EPYC: variants seen among roughly 807,000 people sequenced by gnomAD.
EPYC encodes the protein epiphycan, also known as dermatan sulfate proteoglycan 3.
EPYC carries 28 observed loss-of-function variants against 30.1 expected under a neutral mutation model. The ratio of observed to expected loss-of-function variants is 0.93; its 90% CI spans 0.69 to 1.28. EPYC has a LOEUF of 1.28. Ranked by LOEUF, EPYC falls within the 50% of genes most tolerant of loss-of-function variation. The pLI, the probability that EPYC is intolerant of heterozygous loss-of-function variation, is 0.00. For synonymous variants in EPYC, 144 were observed against 141.4 expected (o/e 1.02, Z -0.13); for missense variants, 382 against 383.5 (o/e 1.00, Z 0.03).
chr12:90,983,439 G>A (rs1877372572), intron 2 of EPYC, among the ~76,000 whole-genome samples: 1 of 152,146 alleles, frequency 6.6e-6, no homozygotes. Flanking sequence ...CTAAAGACAT[G>A]GGTGTCAGGC....
intron 6 of EPYC, among the ~76,000 whole-genome samples, chr12:90,966,976 T>C (rs1392345999): frequency 6.6e-6 from 1 of 152,154 alleles, no homozygotes; most frequent in Non-Finnish European, 1.5e-5. Flanking sequence ...GTCCCCTTTC[T>C]TATTCCTGAT....
At chr12:90,995,092 C>T (rs891902796) in intron 2 of EPYC, among the ~76,000 whole-genome samples, 4 of 151,962 alleles carry the variant, frequency 2.6e-5, no homozygotes, top group African/African-American at 9.7e-5. Context: ...TAAACATGAG[C>T]CTGGTGCTCA....
At chr12:90,982,737 G>A (rs192382858) in intron 2 of EPYC, among the ~76,000 whole-genome samples, 5 of 152,064 alleles carry the variant, frequency 3.3e-5, no homozygotes, top group Non-Finnish European at 5.9e-5. Flanking sequence ...AGATCATATG[G>A]TATTTATCTT....
At position 90,979,244 on chromosome 12, in the gene EPYC, G is replaced by A. The variant is rs544027940; in HGVS notation, c.166-982C>T. 2.6e-5 allele frequency among the ~76,000 whole-genome samples: 4 copies of A among 152,204 alleles called. 1 individual carries two copies. Among genetic ancestry groups the A allele is most frequent in the African/African-American group, 9.6e-5 (4 of 41,544 alleles). On this transcript the variant is annotated intron_variant, in intron 2 of 6. Coordinates refer to ENST00000261172, the MANE Select transcript of EPYC (RefSeq NM_004950.5). ...ATTTGCTCCAGGCAATTGGGATGGC[G>A]ACATCCAGGACCCACTTTTTGTGGC...
At chr12:90,993,093 C>G (rs923701755) in intron 2 of EPYC, among the ~76,000 whole-genome samples, 1 of 152,138 alleles carries the variant, frequency 6.6e-6, no homozygotes, top group African/African-American at 2.4e-5. Context: ...ACAATCAAAT[C>G]TCTTCTTAGA....
chr12:90,974,723 G>A (rs1172209363), intron 3 of EPYC, among the ~76,000 whole-genome samples: 1 of 152,122 alleles, frequency 6.6e-6, no homozygotes, highest in Admixed American at 6.6e-5. Context: ...CTGGAAACAG[G>A]AAGACCAAGG....
At chr12:90,996,786 A>T (rs186248911) in intron 2 of EPYC, among the ~76,000 whole-genome samples, 1 of 152,042 alleles carries the variant, frequency 6.6e-6, no homozygotes, top group Admixed American at 6.6e-5. Flanking sequence ...ATTTTCTATG[A>T]CCAGTTTTTA....
chr12:90,999,251 T>C (rs919189998), intron 2 of EPYC, among the ~76,000 whole-genome samples: 2 of 152,028 alleles, frequency 1.3e-5, no homozygotes, highest in African/African-American at 4.8e-5. Flanking sequence ...AGGGAACATC[T>C]TAGAATTCTG....
intron 3 of EPYC, among the ~76,000 whole-genome samples, chr12:90,974,825 A>G (rs1877145020): frequency 6.6e-6 from 1 of 152,132 alleles, no homozygotes; most frequent in East Asian, 1.9e-4. Flanking sequence ...GTAAATAAGG[A>G]TTGTAAGCTG....
At chr12:90,971,709 A>AATAAATTT (rs1877050025) in intron 5 of EPYC, 91 bp downstream of exon 5, 2 of 440,180 alleles carry the variant, frequency 4.5e-6, no homozygotes, top group South Asian at 2.1e-4. Flanking sequence ...TAAATAAATA[A>AATAAATTT]ATTTATTTTC....
chr12:90,977,591 G>C (rs1877217149), intron 3 of EPYC, among the ~76,000 whole-genome samples: 1 of 152,126 alleles, frequency 6.6e-6, no homozygotes, highest in Non-Finnish European at 1.5e-5. Context: ...CCATGATAAT[G>C]AGAAGAGTAA....
At chr12:90,989,350 T>A (rs1877528483) in intron 2 of EPYC, among the ~76,000 whole-genome samples, 1 of 152,092 alleles carries the variant, frequency 6.6e-6, no homozygotes, top group African/African-American at 2.4e-5. Flanking sequence ...TACTGTTAAA[T>A]CTCAGTTTTT....
At chr12:91,000,456 G>C (rs181290817) in intron 2 of EPYC, among the ~76,000 whole-genome samples, 1 of 152,000 alleles carries the variant, frequency 6.6e-6, no homozygotes, top group African/African-American at 2.4e-5. Context: ...AAAAATGTCC[G>C]AACCTCATGA....
chr12:90,966,061 A>G (rs1416677568), intron 6 of EPYC, among the ~76,000 whole-genome samples: 1 of 152,068 alleles, frequency 6.6e-6, no homozygotes, highest in Non-Finnish European at 1.5e-5. Context: ...ATGCAAGATT[A>G]TGTCATCTGA....
chr12:90,978,293 C>T, intron 2 of EPYC, 31 bp from the exon 3 acceptor site: 2 of 1,560,304 alleles, frequency 1.3e-6, no homozygotes, highest in African/African-American at 1.4e-5. Context: ...AGAATTTCTT[C>T]AGGCCAACTT....
At chr12:90,987,254 A>G (rs930667167) in intron 2 of EPYC, among the ~76,000 whole-genome samples, 7 of 151,998 alleles carry the variant, frequency 4.6e-5, no homozygotes, top group African/African-American at 1.7e-4. Context: ...CCCCTCCCCA[A>G]CCACAGACAT....
At chr12:90,994,274 C>T (rs1247737553) in intron 2 of EPYC, among the ~76,000 whole-genome samples, 2 of 152,162 alleles carry the variant, frequency 1.3e-5, no homozygotes, top group Admixed American at 6.6e-5. Flanking sequence ...AGCACATAAG[C>T]TTCAGTGGCT....
chr12:91,001,616 G>A lies in EPYC; in HGVS notation c.165+785C>T, dbSNP rs187964611. Among the ~76,000 whole-genome samples the A allele has an allele frequency of 9.2e-5, 14 of 152,216 alleles. No homozygotes were observed. In the East Asian group the frequency reaches 2.7e-3, roughly 29 times the overall value. On this transcript the variant is annotated intron_variant, in intron 2 of 6. Coordinates refer to ENST00000261172, the MANE Select transcript of EPYC (RefSeq NM_004950.5). The stretch of plus-strand genomic sequence containing the variant: ...CTTGCCAATTTCTACATTACTGCCG[G>A]AGAGACAATCAGTTATTTAGGGAAG...
intron 2 of EPYC, among the ~76,000 whole-genome samples, chr12:90,995,629 T>C (rs143860866): frequency 9.9e-5 from 15 of 152,060 alleles, no homozygotes; most frequent in African/African-American, 3.6e-4. Context: ...GGGTTAGTTA[T>C]TTGAGTTATC....
Sources: gnomAD v4.1 joint callset for allele counts (sites outside exome capture counted in the v4.1 genomes callset) on GRCh38, gnomAD v4.1.1 for gene constraint, MANE v1.5 for transcripts, NCBI Gene and HGNC (gene_info 2026-07-23, HGNC 2026-07-21) for gene names.